ZBTB46: variants seen among roughly 807,000 people sequenced by gnomAD.
ZBTB46 encodes zinc finger and BTB domain-containing protein 46.
Under a neutral mutation model 44.1 loss-of-function variants are expected in ZBTB46, and 8 were observed. That is an observed-to-expected ratio of 0.18 (90% CI 0.11 to 0.33). ZBTB46 has a LOEUF of 0.33. ZBTB46 is among the 10% of genes least tolerant of loss of function. The pLI is 1.00. For synonymous variants in ZBTB46, 409 were observed against 382.3 expected (o/e 1.07, Z -0.81); for missense variants, 651 against 847.7 (o/e 0.77, Z 2.88).
upstream of ZBTB46, among the ~76,000 whole-genome samples, chr20:63,832,107 AG>A (rs1422434984): frequency 6.6e-6 from 1 of 151,022 alleles, no homozygotes; most frequent in African/African-American, 2.4e-5. This position sits in a 1 kb window ranked among gnomAD's most constrained non-coding sequence, Gnocchi z 5.0. Flanking sequence ...TGGCTCCGGG[AG>A]GGGGCGGGAA....
At chr20:63,750,698 A>G (rs1285888752) in intron 4 of ZBTB46, among the ~76,000 whole-genome samples, 1 of 151,660 alleles carries the variant, frequency 6.6e-6, no homozygotes, top group Non-Finnish European at 1.5e-5. Context: ...TGAGGCCAGG[A>G]GTTCGGGACT....
At chr20:63,793,503 C>T (rs951538402) in intron 1 of ZBTB46, among the ~76,000 whole-genome samples, 2 of 152,144 alleles carry the variant, frequency 1.3e-5, no homozygotes, top group African/African-American at 2.4e-5. Flanking sequence ...TGATGGGAAC[C>T]GTCAAAAGCT....
At chr20:63,797,117 C>A (rs1324695840) in intron 1 of ZBTB46, among the ~76,000 whole-genome samples, 2 of 151,974 alleles carry the variant, frequency 1.3e-5, no homozygotes, top group Non-Finnish European at 2.9e-5. Context: ...ATTAACTCGT[C>A]ATTTACATTA....
chr20:63,782,637 C>T (rs1319624606), intron 2 of ZBTB46, among the ~76,000 whole-genome samples: 1 of 152,220 alleles, frequency 6.6e-6, no homozygotes, highest in East Asian at 1.9e-4. Flanking sequence ...ACCCAAACGC[C>T]CACATCCAGA....
At chr20:63,758,129 A>C (rs968586757) in intron 3 of ZBTB46, among the ~76,000 whole-genome samples, 1 of 2,584 alleles carries the variant, frequency 3.9e-4, no homozygotes, top group Non-Finnish European at 6.3e-4. Flanking sequence ...CACTCCCTCC[A>C]CCCGCCCCAT....
chr20:63,814,762 A>C (rs1439315869), intron 1 of ZBTB46: 1 of 152,406 alleles, frequency 6.6e-6, no homozygotes, highest in Non-Finnish European at 1.5e-5. Context: ...GGAATTAGGA[A>C]TATCAGATGC....
At chr20:63,818,423 A>C (rs2092772450) in intron 1 of ZBTB46, among the ~76,000 whole-genome samples, 1 of 152,214 alleles carries the variant, frequency 6.6e-6, no homozygotes, top group South Asian at 2.1e-4. Context: ...CCCCGCAGTC[A>C]GTTCTGCAGA....
intron 1 of ZBTB46, among the ~76,000 whole-genome samples, chr20:63,804,556 C>T (rs1294252103): frequency 6.6e-6 from 1 of 152,174 alleles, no homozygotes; most frequent in Non-Finnish European, 1.5e-5. Context: ...GGGACCACAT[C>T]TCAATGCTGG....
At chr20:63,801,082 T>C (rs2092640800) in intron 1 of ZBTB46, among the ~76,000 whole-genome samples, 1 of 152,198 alleles carries the variant, frequency 6.6e-6, no homozygotes, top group African/African-American at 2.4e-5. Flanking sequence ...AGCTCAAGGT[T>C]TGTAAATGCA....
At chr20:63,751,630 C>G (rs969962199) in intron 4 of ZBTB46, among the ~76,000 whole-genome samples, 2 of 149,404 alleles carry the variant, frequency 1.3e-5, no homozygotes, top group Non-Finnish European at 3.0e-5. Flanking sequence ...CCCAGTGGGT[C>G]TCCCCATAAA....
intron 1 of ZBTB46, among the ~76,000 whole-genome samples, chr20:63,802,274 T>C (rs1467591097): frequency 6.6e-6 from 1 of 151,998 alleles, no homozygotes; most frequent in Non-Finnish European, 1.5e-5. Context: ...AATACAAATA[T>C]TAGCCGGGTG....
chr20:63,764,000 GCT>G (rs763067369), intron 3 of ZBTB46, among the ~76,000 whole-genome samples: 22 of 151,354 alleles, frequency 1.5e-4, no homozygotes, highest in Non-Finnish European at 2.1e-4. Flanking sequence ...AGACGGCCTT[GCT>G]CTGTCATCCA....
rs1394338849 is a variant in ZBTB46 at position 63,831,101 on chromosome 20, G to A, written c.-38C>T. The A allele has an allele frequency of 7.1e-6, 1 of 140,474 alleles. No individual in the cohort carries two copies. Among genetic ancestry groups the A allele is most frequent in the Non-Finnish European group, 1.6e-5 (1 of 63,714 alleles). 8.7% of individuals were successfully genotyped at this position (140,474 alleles called of 1,614,324 possible). A position where few individuals can be genotyped will look rare whatever the true frequency, so the allele number is the denominator to read the frequency against. On this transcript the variant is annotated 5_prime_UTR_variant, in exon 1 of 5. Transcript: ENST00000245663. Reference sequence around the variant, plus strand: ...CAATGAGCCGGCGCCGCTTACCTGTGACCCCATGGGGCGCGGGCGAGGGCG... The same window carrying A: ...CAATGAGCCGGCGCCGCTTACCTGTAACCCCATGGGGCGCGGGCGAGGGCG...
intron 1 of ZBTB46, among the ~76,000 whole-genome samples, chr20:63,813,774 C>G (rs534271657): frequency 6.6e-6 from 1 of 152,324 alleles, no homozygotes; most frequent in South Asian, 2.1e-4. Flanking sequence ...AACTCTGATT[C>G]AAGTAAAGCC....
intron 1 of ZBTB46, among the ~76,000 whole-genome samples, chr20:63,824,635 T>C (rs6011164): frequency 0.17 from 24,466 of 142,288 alleles, 2,755 homozygotes; most frequent in East Asian, 0.47. Flanking sequence ...ACCCCCGTTC[T>C]TCTGGGTGCT....
intron 1 of ZBTB46, among the ~76,000 whole-genome samples, chr20:63,829,769 C>G (rs1031591983): frequency 6.6e-6 from 1 of 152,212 alleles, no homozygotes; most frequent in Non-Finnish European, 1.5e-5. Flanking sequence ...AACTATTTTC[C>G]ACTCTTGTAG....
Position 63,747,316 on chromosome 20 carries a change from CAG to C in ZBTB46, c.1399-17_1399-16del, listed in dbSNP as rs1397937749. The C allele has an allele frequency of 1.1e-5, 13 of 1,181,868 alleles. No individual in the cohort carries two copies. In the East Asian group the frequency reaches 9.6e-4, roughly 87 times the overall value. The allele number at this position is 1,181,868 out of a possible 1,614,324, so 73.2% of individuals were successfully genotyped here. The stretch of plus-strand genomic sequence containing the variant: ...TTGCTGTGGACCTGCAGAGGCAGGG[CAG>C]GGGGTGAGCAGGGCCTGGTGGGTTG... On this transcript the variant is annotated splice_polypyrimidine_tract_variant and intron_variant, in intron 4 of 4. Transcript: ENST00000245663.
chr20:63,800,166 C>T (rs1044796670), intron 1 of ZBTB46, among the ~76,000 whole-genome samples: 5 of 152,244 alleles, frequency 3.3e-5, no homozygotes, highest in Non-Finnish European at 5.9e-5. Flanking sequence ...CCTCCCTGCT[C>T]AGCCTTCCGT....
intron 3 of ZBTB46, among the ~76,000 whole-genome samples, chr20:63,759,331 T>C (rs1208266860): frequency 6.6e-6 from 1 of 152,236 alleles, no homozygotes; most frequent in Non-Finnish European, 1.5e-5. Flanking sequence ...ATGTTCTATA[T>C]GCATAGTCAT....
Sources: gnomAD v4.1 joint callset for allele counts (sites outside exome capture counted in the v4.1 genomes callset) on GRCh38, gnomAD v4.1.1 for gene constraint, Gnocchi (gnomAD v3.1) non-coding constraint, MANE v1.5 for transcripts, NCBI Gene and HGNC (gene_info 2026-07-23, HGNC 2026-07-21) for gene names.